CPNE8: variants seen among roughly 807,000 people sequenced by gnomAD.
The protein encoded by CPNE8 is copine-8.
A neutral mutation model predicts 81.5 loss-of-function variants in CPNE8; 45 were observed. That is an observed-to-expected ratio of 0.55 (90% CI 0.44 to 0.71). The LOEUF is 0.71. CPNE8 is among the 30% of genes least tolerant of loss of function. The probability of loss-of-function intolerance (pLI) is 0.00; values close to 1 mark genes in which losing one functional copy is unlikely to be tolerated. For synonymous variants in CPNE8, 252 were observed against 226.3 expected, an observed-to-expected ratio of 1.11 and a Z score of -1.02; for missense variants, 594 against 672.1, an observed-to-expected ratio of 0.88 and a Z score of 1.28.
intron 4 of CPNE8, among the ~76,000 whole-genome samples, chr12:38,842,709 G>A (rs1014296742): frequency 6.6e-6 from 1 of 151,022 alleles, no homozygotes; most frequent in Non-Finnish European, 1.5e-5. Context: ...CAGAGTCACT[G>A]GGGTGACATA....
chr12:38,803,571 G>A (rs1469249880), intron 6 of CPNE8, among the ~76,000 whole-genome samples: 4 of 136,200 alleles, frequency 2.9e-5, no homozygotes, highest in African/African-American at 1.0e-4. Context: ...GGCAAAAACT[G>A]GAAGCATTCC....
chr12:38,892,397 C>T (rs1172378277), intron 1 of CPNE8, among the ~76,000 whole-genome samples: 3 of 152,140 alleles, frequency 2.0e-5, no homozygotes, highest in Non-Finnish European at 4.4e-5. Flanking sequence ...GCTAACTAAA[C>T]ATGTGAAGCT....
chr12:38,688,337 C>A (rs575949056), intron 15 of CPNE8, among the ~76,000 whole-genome samples: 160 of 152,298 alleles, frequency 1.1e-3, no homozygotes, highest in South Asian at 5.0e-3. Flanking sequence ...AAGGTTTCCT[C>A]ATATGTCTTA....
chr12:38,848,474 A>G lies in CPNE8; in HGVS notation c.290+85T>C. On this transcript the variant is annotated intron_variant, in intron 4 of 19. Coordinates refer to ENST00000331366, the MANE Select transcript of CPNE8 (RefSeq NM_153634.3). ...TTCCTGCCAATATAATCTAGAACTC[A>G]GTGCAACCATAGGACCCTGCCTTAC... 2.8e-6 allele frequency: 4 copies of G among 1,442,156 alleles called. No individual in the cohort carries two copies. The South Asian group carries it at 4.6e-5, about 17-fold the overall frequency. 89.3% of individuals were successfully genotyped at this position (1,442,156 alleles called of 1,614,324 possible).
At chr12:38,734,738 C>T (rs1940914330) in intron 10 of CPNE8, among the ~76,000 whole-genome samples, 1 of 151,944 alleles carries the variant, frequency 6.6e-6, no homozygotes, top group East Asian at 1.9e-4. Context: ...AAGTGTTTAA[C>T]TTATCAAAAA....
chr12:38,755,608 G>A (rs957993810), intron 10 of CPNE8, among the ~76,000 whole-genome samples: 7 of 152,006 alleles, frequency 4.6e-5, no homozygotes, highest in Admixed American at 2.6e-4. Flanking sequence ...GAAAAAAAAA[G>A]AAATAGTGAG....
intron 7 of CPNE8, among the ~76,000 whole-genome samples, chr12:38,774,986 C>G (rs1336994364): frequency 1.3e-5 from 2 of 152,088 alleles, no homozygotes; most frequent in Admixed American, 6.6e-5. Context: ...TACTCCTGCC[C>G]CCAGAATCCC....
chr12:38,703,985 C>T (rs1940021994), intron 13 of CPNE8, among the ~76,000 whole-genome samples: 1 of 152,098 alleles, frequency 6.6e-6, no homozygotes, highest in Non-Finnish European at 1.5e-5. Context: ...ATACCCTAGG[C>T]AAATTAATGC....
chr12:38,756,039 C>CAA (rs60851774), intron 10 of CPNE8, among the ~76,000 whole-genome samples: 6 of 82,360 alleles, frequency 7.3e-5, no homozygotes, highest in African/African-American at 1.7e-4. Flanking sequence ...GACTCCGTCT[C>CAA]AAAAAAAAAA....
intron 1 of CPNE8, among the ~76,000 whole-genome samples, chr12:38,888,815 C>A (rs1944271602): frequency 1.3e-5 from 2 of 152,220 alleles, no homozygotes; most frequent in African/African-American, 4.8e-5. Flanking sequence ...TTCGCTATGT[C>A]TCCTTCATCC....
chr12:38,805,934 C>T lies in CPNE8; in HGVS notation c.407+23445G>A, dbSNP rs1302737768. ...GATAAAGGGGATATCACCACCGATCCCACAGAAATACAAACTACCATCAGA... is the reference window on the plus strand; with the variant it reads ...GATAAAGGGGATATCACCACCGATCTCACAGAAATACAAACTACCATCAGA... On this transcript the variant is annotated intron_variant, in intron 6 of 19. Coordinates refer to ENST00000331366, the MANE Select transcript of CPNE8 (RefSeq NM_153634.3). 4.0e-5 allele frequency among the ~76,000 whole-genome samples: 6 copies of T among 149,686 alleles called. 1 individual carries two copies. In the East Asian group the frequency reaches 1.3e-3, roughly 33 times the overall value.
At chr12:38,891,360 G>A (rs891278487) in intron 1 of CPNE8, among the ~76,000 whole-genome samples, 1 of 151,830 alleles carries the variant, frequency 6.6e-6, no homozygotes, top group African/African-American at 2.4e-5. Flanking sequence ...TTTGTAGAAC[G>A]TTATATAAAC....
intron 16 of CPNE8, among the ~76,000 whole-genome samples, chr12:38,684,866 C>T (rs1319223234): frequency 6.6e-6 from 1 of 152,076 alleles, no homozygotes; most frequent in East Asian, 1.9e-4. Context: ...TTGTCTAATT[C>T]ATTTATGTAC....
chr12:38,874,319 G>A lies in CPNE8; in HGVS notation c.139+152C>T, dbSNP rs1447036013. On this transcript the variant is annotated intron_variant, in intron 2 of 19. Coordinates refer to ENST00000331366, the MANE Select transcript of CPNE8 (RefSeq NM_153634.3). The stretch of plus-strand genomic sequence containing the variant: ...CTCAGCAAGTCCCTCTTTACCCACA[G>A]TACTGCCCGGGGTTGATGAGTATGT... 5.1e-6 allele frequency: 3 copies of A among 585,712 alleles called. No homozygotes were observed. In the African/African-American group the frequency reaches 5.8e-5, roughly 11 times the overall value. 36.3% of individuals were successfully genotyped at this position (585,712 alleles called of 1,614,324 possible).
At chr12:38,857,318 A>G (rs1943757583) in intron 3 of CPNE8, among the ~76,000 whole-genome samples, 1 of 152,224 alleles carries the variant, frequency 6.6e-6, no homozygotes, top group Non-Finnish European at 1.5e-5. Flanking sequence ...ACATGAATAT[A>G]TTGACTATAA....
intron 5 of CPNE8, among the ~76,000 whole-genome samples, chr12:38,830,264 A>C (rs556973240): frequency 3.3e-5 from 5 of 152,312 alleles, no homozygotes; most frequent in Admixed American, 3.3e-4. Flanking sequence ...TCATAAATGC[A>C]TACACCTACT....
chr12:38,881,246 C>T (rs955767950), intron 1 of CPNE8, among the ~76,000 whole-genome samples: 37 of 150,888 alleles, frequency 2.5e-4, no homozygotes, highest in African/African-American at 8.5e-4. Flanking sequence ...AAAACCGAAA[C>T]TTACTAAAAA....
chr12:38,787,580 GA>G (rs1443745252), intron 6 of CPNE8, among the ~76,000 whole-genome samples: 1 of 149,098 alleles, frequency 6.7e-6, no homozygotes, highest in Non-Finnish European at 1.5e-5. Flanking sequence ...AAAATTAGTA[GA>G]AGGTAAGAAA....
At chr12:38,712,203 C>T (rs1040464152) in intron 13 of CPNE8, among the ~76,000 whole-genome samples, 2 of 147,524 alleles carry the variant, frequency 1.4e-5, no homozygotes, top group Non-Finnish European at 3.0e-5. Flanking sequence ...TGCAATGATG[C>T]CATTTTTTTT....
Sources: gnomAD v4.1 joint callset for allele counts (sites outside exome capture counted in the v4.1 genomes callset) on GRCh38, gnomAD v4.1.1 for gene constraint, MANE v1.5 for transcripts, NCBI Gene and HGNC (gene_info 2026-07-23, HGNC 2026-07-21) for gene names.